The following MAOA variants were observed in gnomAD, a reference collection of about 807,000 sequenced individuals.
The protein encoded by MAOA is monoamine oxidase A.
A neutral mutation model predicts 42.0 loss-of-function variants in MAOA; 6 were observed. That is an observed-to-expected ratio of 0.14 (90% CI 0.08 to 0.28). The LOEUF is 0.28. Among genes scored for constraint, MAOA ranks in the 10% least tolerant of loss-of-function variants. The probability of loss-of-function intolerance (pLI) is 1.00; values close to 1 mark genes in which losing one functional copy is unlikely to be tolerated. For missense variants in MAOA, 262 were observed against 422.3 expected (o/e 0.62, Z 3.33); for synonymous variants, 140 against 154.0 (o/e 0.91, Z 0.67).
chrX:43,668,230 G>C lies in MAOA; in HGVS notation c.73+11816G>C, dbSNP rs1486522570. Among the ~76,000 whole-genome samples, 3 of 112,236 alleles carry C rather than the reference G, an allele frequency of 2.7e-5. No homozygotes were observed. In the East Asian group the frequency reaches 8.3e-4, roughly 31 times the overall value. ...TATTTTTATATTTCTCCAGTTATGA[G>C]TGAGATTGAACAATTTTTCATTGAA... On this transcript the variant is annotated intron_variant, in intron 1 of 14. Transcript: ENST00000338702.
intron 5 of MAOA, among the ~76,000 whole-genome samples, chrX:43,724,853 C>A (rs1219364739): frequency 8.9e-6 from 1 of 111,997 alleles, no homozygotes; most frequent in African/African-American, 3.2e-5. Flanking sequence ...AAATGTGTCC[C>A]AGAGATTCTG....
intron 1 of MAOA, among the ~76,000 whole-genome samples, chrX:43,669,016 A>C (rs2033305982): frequency 9.0e-6 from 1 of 110,610 alleles, no homozygotes; most frequent in South Asian, 3.7e-4. Flanking sequence ...TTTCAGGTTT[A>C]TTTTTCAGAG....
intron 1 of MAOA, among the ~76,000 whole-genome samples, chrX:43,673,408 T>C (rs1235548453): frequency 1.8e-5 from 2 of 110,365 alleles, no homozygotes; most frequent in Non-Finnish European, 3.8e-5. Context: ...ATTCGTTAAT[T>C]TTTTGAAGGG....
chrX:43,662,375 T>G (rs2033241651), intron 1 of MAOA, among the ~76,000 whole-genome samples: 1 of 111,701 alleles, frequency 9.0e-6, no homozygotes, highest in East Asian at 2.8e-4. Flanking sequence ...TTTTTTTTTT[T>G]GAAATCTTCA....
chrX:43,730,141 C>T (rs2033868713), intron 6 of MAOA, among the ~76,000 whole-genome samples: 1 of 105,063 alleles, frequency 9.5e-6, no homozygotes, highest in South Asian at 4.4e-4. Context: ...TTACAGTGAG[C>T]CAAGATTGCG....
intron 10 of MAOA, among the ~76,000 whole-genome samples, chrX:43,738,736 C>T (rs1473356786): frequency 9.0e-6 from 1 of 111,489 alleles, no homozygotes; most frequent in Admixed American, 9.5e-5. Flanking sequence ...GAGAGGATCA[C>T]CTGAGTCCAG....
At chrX:43,724,580 A>C (rs187305099) in intron 5 of MAOA, among the ~76,000 whole-genome samples, 33 of 109,801 alleles carry the variant, frequency 3.0e-4, no homozygotes, top group African/African-American at 1.1e-3. Flanking sequence ...TTTCTTTATT[A>C]GTCTTGCTAG....
chrX:43,679,734 A>T (rs978456078), intron 1 of MAOA, among the ~76,000 whole-genome samples: 1 of 111,625 alleles, frequency 9.0e-6, no homozygotes, highest in Non-Finnish European at 1.9e-5. Flanking sequence ...AGTTAGGTTG[A>T]TGAAAGGGAA....
At chrX:43,742,861 G>A (rs1381533719) in intron 12 of MAOA, among the ~76,000 whole-genome samples, 1 of 108,728 alleles carries the variant, frequency 9.2e-6, no homozygotes. Flanking sequence ...TGAAAAGGAG[G>A]AAGTATTTAT....
At chrX:43,657,326 A>G (rs1274084396) in intron 1 of MAOA, among the ~76,000 whole-genome samples, 8 of 104,567 alleles carry the variant, frequency 7.7e-5, no homozygotes, top group Non-Finnish European at 1.2e-4. Flanking sequence ...ATGAACTTGC[A>G]GGAAGGTGTA....
At chrX:43,662,716 TG>T (rs1410244107) in intron 1 of MAOA, among the ~76,000 whole-genome samples, 2 of 111,273 alleles carry the variant, frequency 1.8e-5, no homozygotes, top group African/African-American at 6.5e-5. Context: ...ACATATAGGG[TG>T]CCCAGCCCTG....
At chrX:43,666,948 A>G (rs1467811869) in intron 1 of MAOA, among the ~76,000 whole-genome samples, 2 of 101,402 alleles carry the variant, frequency 2.0e-5, no homozygotes, top group East Asian at 6.7e-4. Context: ...ATCAATGAGA[A>G]CACTTGGACA....
At chrX:43,658,076 T>A (rs1221266158) in intron 1 of MAOA, 1 of 273,569 alleles carries the variant, frequency 3.7e-6, no homozygotes, top group African/African-American at 2.9e-5. Flanking sequence ...GACTGCTGTT[T>A]CCCAAAATCT....
chrX:43,732,985 T>C (rs2033894364), intron 9 of MAOA, among the ~76,000 whole-genome samples, 190 bp downstream of exon 9: 2 of 112,423 alleles, frequency 1.8e-5, no homozygotes, highest in African/African-American at 3.2e-5. Context: ...TGGGAAACTT[T>C]ACTAAAATTG....
chrX:43,704,479 A>T (rs1227069266), intron 3 of MAOA, among the ~76,000 whole-genome samples: 1 of 111,276 alleles, frequency 9.0e-6, no homozygotes, highest in Non-Finnish European at 1.9e-5. Context: ...AGAATAGAGG[A>T]GAACTTCCTC....
intron 1 of MAOA, among the ~76,000 whole-genome samples, chrX:43,659,895 C>G (rs980590059): frequency 1.8e-5 from 2 of 111,224 alleles, no homozygotes; most frequent in Non-Finnish European, 3.8e-5. Flanking sequence ...TGACCTCCCT[C>G]CCCCCATCAC....
chrX:43,656,778 T>G (rs1182545886), intron 1 of MAOA, among the ~76,000 whole-genome samples: 1 of 110,615 alleles, frequency 9.0e-6, no homozygotes, highest in East Asian at 2.8e-4. Flanking sequence ...TCTGGGGAGT[T>G]TCAATAACTC....
chrX:43,671,775 G>C (rs1181087295), intron 1 of MAOA, among the ~76,000 whole-genome samples: 2 of 100,316 alleles, frequency 2.0e-5, no homozygotes, highest in Non-Finnish European at 4.0e-5. Flanking sequence ...TTATTTCTGA[G>C]GGCTCTGTTC....
rs1367449105 is a variant in MAOA at position 43,681,443 on chromosome X, C to T, written c.74-2070C>T. Among the ~76,000 whole-genome samples the T allele has an allele frequency of 3.6e-5, 4 of 111,282 alleles. No homozygotes were observed. The East Asian group carries it at 8.4e-4, about 23-fold the overall frequency. Reference sequence around the variant, plus strand: ...TCAGCAACTCAAGCCTGATTACTCACTTGTTTTATCACATACTACAAATGT... The same window carrying T: ...TCAGCAACTCAAGCCTGATTACTCATTTGTTTTATCACATACTACAAATGT... On this transcript the variant is annotated intron_variant, in intron 1 of 14. Coordinates refer to ENST00000338702, the MANE Select transcript of MAOA (RefSeq NM_000240.4).
Sources: gnomAD v4.1 joint callset for allele counts (sites outside exome capture counted in the v4.1 genomes callset) on GRCh38, gnomAD v4.1.1 for gene constraint, MANE v1.5 for transcripts, NCBI Gene and HGNC (gene_info 2026-07-23, HGNC 2026-07-21) for gene names.